EIF4E1B: variants seen among roughly 807,000 people sequenced by gnomAD.
EIF4E1B encodes the protein eukaryotic translation initiation factor 4E family member 1B, also known as eukaryotic translation initiation factor 4E type 1B.
A neutral mutation model predicts 31.3 loss-of-function variants in EIF4E1B; 22 were observed. The observed-to-expected ratio is 0.70, with a 90% CI of 0.50 to 1.00. The LOEUF (loss-of-function observed/expected upper bound fraction) is 1.00, where lower values mean the gene tolerates loss of function less well. Among genes scored for constraint, EIF4E1B ranks in the 50% least tolerant of loss-of-function variants. EIF4E1B has a pLI of 0.00. For missense variants in EIF4E1B, 290 were observed against 311.6 expected, an observed-to-expected ratio of 0.93 and a Z score of 0.52; for synonymous variants, 126 against 120.2, an observed-to-expected ratio of 1.05 and a Z score of -0.31.
chr5:176,643,859 C>G (rs1267927478), intron 5 of EIF4E1B, 125 bp downstream of exon 5: 6 of 1,021,148 alleles, frequency 5.9e-6, no homozygotes, highest in Non-Finnish European at 8.6e-6. Flanking sequence ...TTTGTGGGTT[C>G]TGCCCAGGGG....
intron 6 of EIF4E1B, 82 bp downstream of exon 6, chr5:176,644,521 AGGGGTG>A: frequency 2.8e-5 from 3 of 105,874 alleles, no homozygotes; most frequent in Non-Finnish European, 5.8e-5. Context: ...AATCCCTCAG[AGGGGTG>A]GGGGTGGGGA....
intron 1 of EIF4E1B, among the ~76,000 whole-genome samples, 185 bp downstream of exon 1, chr5:176,631,249 A>G (rs968329836): frequency 6.6e-6 from 1 of 152,244 alleles, no homozygotes; most frequent in Non-Finnish European, 1.5e-5. Context: ...CCAAGGCAGG[A>G]CTGTGCTGAC....
At chr5:176,643,295 G>T (rs1363784523) in intron 4 of EIF4E1B, 29 bp downstream of exon 4, 1 of 1,603,692 alleles carries the variant, frequency 6.2e-7, no homozygotes, top group South Asian at 1.1e-5. Flanking sequence ...GTGGAACACA[G>T]CCCCTTGCTT....
intron 6 of EIF4E1B, 151 bp from the exon 7 acceptor site, chr5:176,644,979 G>A: frequency 1.5e-6 from 1 of 659,182 alleles, no homozygotes; most frequent in East Asian, 2.8e-5. Context: ...GAGTGGCTGG[G>A]GGTGGAACCT....
In EIF4E1B at chr5:176,645,316, G is replaced by T; in HGVS notation, c.475-61G>T. On this transcript the variant is annotated intron_variant, in intron 7 of 8. Coordinates refer to ENST00000318682, the MANE Select transcript of EIF4E1B (RefSeq NM_001099408.2). This position sits in a 1 kb window ranked among gnomAD's most constrained non-coding sequence, Gnocchi z 5.4. Reference sequence around the variant, plus strand: ...GTCTCATGGTGGCAGTGGTCTCAAGGATGGCAGGCCAGTCCCTATGTCCCA... The same window carrying T: ...GTCTCATGGTGGCAGTGGTCTCAAGTATGGCAGGCCAGTCCCTATGTCCCA... The T allele has an allele frequency of 6.4e-7, 1 of 1,567,982 alleles. No individual in the cohort carries two copies. The highest frequency in any genetic ancestry group is 8.7e-7 in the Non-Finnish European group (1 of 1,152,314).
In EIF4E1B at chr5:176,643,238, A is replaced by G; in HGVS notation, c.172A>G (p.Lys58Glu). Residue 58 changes from lysine (K) to glutamate (E), a missense_variant, in exon 4 of 9, where the codon AAG (lysine) becomes GAG (glutamate). Physicochemically the swap from Lys to Glu is moderately conservative, Grantham distance 56. Transcript: ENST00000318682. ...KARTGGPMEV[K>E]LELHPLQNRW... ...CCGGACGGGGGGCCCCATGGAAGTC[A>G]AGCTGGAGCTGCACCCCTTGCAGAA... The G allele has an allele frequency of 6.2e-7, 1 of 1,612,590 alleles. No individual in the cohort carries two copies.
At position 176,643,753 on chromosome 5, in the gene EIF4E1B, TGGGGCTAGAGTTGG is replaced by T; in HGVS notation, c.296+26_296+39del. ...TCTGGGCGTGAGTGTCTGTCCCCAGTGGGGCTAGAGTTGGGGGGCTCTGAGCTCTGGGCTCCCTC... is the reference window on the plus strand; with the variant it reads ...TCTGGGCGTGAGTGTCTGTCCCCAGTGGGGCTCTGAGCTCTGGGCTCCCTC... On this transcript the variant is annotated intron_variant, in intron 5 of 8. Transcript: ENST00000318682. 6.2e-7 allele frequency: 1 copy of T among 1,605,666 alleles called. No homozygotes were observed. The highest frequency in any genetic ancestry group is 8.5e-7 in the Non-Finnish European group (1 of 1,175,928).
At chr5:176,641,135 A>G (rs1227772769) in intron 1 of EIF4E1B, among the ~76,000 whole-genome samples, 1 of 152,126 alleles carries the variant, frequency 6.6e-6, no homozygotes, top group Non-Finnish European at 1.5e-5. Flanking sequence ...CCTGGGCAAC[A>G]TGGCAAAACC....
rs1426304382 is a variant in EIF4E1B at position 176,642,693 on chromosome 5, T to C, written c.-78-17T>C. The C allele has an allele frequency of 3.3e-6, 5 of 1,530,714 alleles. No homozygotes were observed. In the East Asian group the frequency reaches 1.2e-4, roughly 38 times the overall value. The allele number at this position is 1,530,714 out of a possible 1,614,324, so 94.8% of individuals were successfully genotyped here. A position where few individuals can be genotyped will look rare whatever the true frequency, so the allele number is the denominator to read the frequency against. ...TTTCCCTTCGAGCAGGCTCCAAATA[T>C]TGACGCTTACCTTCAGGTCTTGGCC... On this transcript the variant is annotated splice_polypyrimidine_tract_variant and intron_variant, in intron 2 of 8. Transcript: ENST00000318682.
In EIF4E1B at chr5:176,632,610, C is replaced by A. The variant is rs115698377; in HGVS notation, c.-202+1546C>A. ...GTTAAAGGGAGTTGCACCTAGGAAA[C>A]GGGACTGAGAGGGTTCAGGGAAGGA... On this transcript the variant is annotated intron_variant, in intron 1 of 8. Transcript: ENST00000318682. Among the ~76,000 whole-genome samples the A allele has an allele frequency of 2.7e-3, 406 of 152,292 alleles. 2 individuals are homozygous for A. Among genetic ancestry groups the A allele is most frequent in the African/African-American group, 9.5e-3 (396 of 41,564 alleles).
chr5:176,632,610 C>T (rs115698377), intron 1 of EIF4E1B, among the ~76,000 whole-genome samples: 5 of 152,292 alleles, frequency 3.3e-5, no homozygotes, highest in East Asian at 3.9e-4. Flanking sequence ...ACCTAGGAAA[C>T]GGGACTGAGA....
Position 176,644,168 on chromosome 5 carries a change from G to T in EIF4E1B, c.297-208G>T, listed in dbSNP as rs189353178. 5,854 of 603,722 alleles carry T rather than the reference G, an allele frequency of 9.7e-3. 52 individuals carry two copies. Among genetic ancestry groups the T allele is most frequent in the Non-Finnish European group, 0.011 (3,722 of 345,156 alleles). The allele number at this position is 603,722 out of a possible 1,614,324, so 37.4% of individuals were successfully genotyped here. A position where few individuals can be genotyped will look rare whatever the true frequency, so the allele number is the denominator to read the frequency against. Reference sequence around the variant, plus strand: ...AGGGGGTCTAAAACCCTCCCCAGGGGTTGGCTCAGCCTTCACTGGGAAGGC... The same window carrying T: ...AGGGGGTCTAAAACCCTCCCCAGGGTTTGGCTCAGCCTTCACTGGGAAGGC... On this transcript the variant is annotated intron_variant, in intron 5 of 8. Transcript: ENST00000318682.
chr5:176,643,022 G>C (rs1453405041), intron 3 of EIF4E1B, 60 bp from the exon 4 acceptor site: 1 of 1,547,880 alleles, frequency 6.5e-7, no homozygotes, highest in Non-Finnish European at 8.7e-7. Flanking sequence ...GGGCAGGGTG[G>C]GCACAGGGAC....
At chr5:176,631,360 C>T (rs1471386621) in intron 1 of EIF4E1B, among the ~76,000 whole-genome samples, 1 of 152,098 alleles carries the variant, frequency 6.6e-6, no homozygotes, top group Non-Finnish European at 1.5e-5. Context: ...TCACAGAATG[C>T]CAGGCACACA....
chr5:176,645,369 G>A lies in EIF4E1B; in HGVS notation c.475-8G>A, dbSNP rs746019111. ...CGGTGATCTCACAACCCCCTACTTC[G>A]GGTCCAGCTGCTGTGTCTGATCGGG... On this transcript the variant is annotated splice_polypyrimidine_tract_variant and splice_region_variant and intron_variant, in intron 7 of 8. Coordinates refer to ENST00000318682, the MANE Select transcript of EIF4E1B (RefSeq NM_001099408.2). This position sits in a 1 kb window ranked among gnomAD's most constrained non-coding sequence, Gnocchi z 5.4. 3.3e-6 allele frequency: 5 copies of A among 1,535,378 alleles called. No homozygotes were observed. The highest frequency in any genetic ancestry group is 4.4e-6 in the Non-Finnish European group (5 of 1,138,322).
intron 3 of EIF4E1B, 54 bp downstream of exon 3, chr5:176,642,856 C>A (rs965513140): frequency 1.6e-6 from 2 of 1,270,910 alleles, no homozygotes; most frequent in South Asian, 1.7e-5. Context: ...CCCTCTCCCC[C>A]CCCCCCCCCG....
Position 176,636,279 on chromosome 5 carries a change from G to A in EIF4E1B, c.-202+5215G>A, listed in dbSNP as rs57244735. On this transcript the variant is annotated intron_variant, in intron 1 of 8. Coordinates refer to ENST00000318682, the MANE Select transcript of EIF4E1B (RefSeq NM_001099408.2). ...TTTAGAGCATGGGGTGGCAAAGCTC[G>A]GGCTCGTGGGCCTCCAGTGGCCAGT... 1.5e-3 allele frequency among the ~76,000 whole-genome samples: 227 copies of A among 152,326 alleles called. 8 individuals are homozygous for A. The East Asian group carries it at 0.042, about 28-fold the overall frequency.
In EIF4E1B at chr5:176,645,645, C is replaced by T; in HGVS notation, c.614+129C>T. 1.5e-6 allele frequency: 2 copies of T among 1,336,284 alleles called. No homozygotes were observed. The highest frequency in any genetic ancestry group is 2.0e-6 in the Non-Finnish European group (2 of 1,007,190). 82.8% of individuals were successfully genotyped at this position (1,336,284 alleles called of 1,614,324 possible). On this transcript the variant is annotated intron_variant, in intron 8 of 8. Coordinates refer to ENST00000318682, the MANE Select transcript of EIF4E1B (RefSeq NM_001099408.2). This position sits in a 1 kb window ranked among gnomAD's most constrained non-coding sequence, Gnocchi z 5.4. ...GCCTCCCTCCCTTCTGCCTTGCCCA[C>T]CTGTATGGAAGGTCTGGCGTTCAGA...
Position 176,646,509 on chromosome 5 carries a change from A to T in EIF4E1B, c.*529A>T, listed in dbSNP as rs1760716473. The T allele has an allele frequency of 6.5e-6, 1 of 153,066 alleles. No individual in the cohort carries two copies. Among genetic ancestry groups the T allele is most frequent in the African/African-American group, 2.4e-5 (1 of 41,464 alleles). 9.5% of individuals were successfully genotyped at this position (153,066 alleles called of 1,614,324 possible). On this transcript the variant is annotated 3_prime_UTR_variant, in exon 9 of 9. Coordinates refer to ENST00000318682, the MANE Select transcript of EIF4E1B (RefSeq NM_001099408.2). ...TCTGGGCCTTGCCTGCCTCAGGGCC[A>T]GACTGAAGTGGAGGTGGAGGGATGC...
Sources: allele counts gnomAD v4.1 joint callset (sites outside exome capture counted in the v4.1 genomes callset), GRCh38; gene constraint gnomAD v4.1.1; non-coding constraint Gnocchi (gnomAD v3.1); transcripts MANE v1.5; gene names NCBI Gene and HGNC (gene_info 2026-07-23, HGNC 2026-07-21).